RGS20: variants seen among roughly 807,000 people sequenced by gnomAD.
RGS20 encodes the protein gz-selective GTPase-activating protein.
In RGS20, 30 loss-of-function variants were observed where a neutral mutation model predicts 33.6. The observed-to-expected ratio is 0.89, with a 90% CI of 0.67 to 1.21. The LOEUF (loss-of-function observed/expected upper bound fraction) is 1.21. Among genes scored for constraint, RGS20 ranks in the 50% most tolerant of loss-of-function variants. The probability of loss-of-function intolerance (pLI) is 0.00; values close to 1 mark genes in which losing one functional copy is unlikely to be tolerated. For missense variants in RGS20, 472 were observed against 502.4 expected, an observed-to-expected ratio of 0.94 and a Z score of 0.58; for synonymous variants, 208 against 197.9, an observed-to-expected ratio of 1.05 and a Z score of -0.43.
At chr8:53,914,281 T>C (rs1299170778) in intron 2 of RGS20, among the ~76,000 whole-genome samples, 1 of 152,232 alleles carries the variant, frequency 6.6e-6, no homozygotes, top group Non-Finnish European at 1.5e-5. Context: ...TCCTCCCACC[T>C]TGGCCTCCCA....
chr8:53,939,663 G>T lies in RGS20; in HGVS notation c.598G>T (p.Ala200Ser). The T allele has an allele frequency of 6.3e-7, 1 of 1,581,564 alleles. No individual in the cohort carries two copies. The highest frequency in any genetic ancestry group is 2.3e-5 in the East Asian group (1 of 43,788). ...AGGCGCCGCCCCAGGCCAGCCCGGAGCGGGGAGTCGCGGGTCCAACGCATG... is the reference window on the plus strand; with the variant it reads ...AGGCGCCGCCCCAGGCCAGCCCGGATCGGGGAGTCGCGGGTCCAACGCATG... The change falls in exon 3 of 6, where the codon GCG (alanine) becomes TCG (serine). Residue 200 changes from alanine to serine, a missense_variant. Around this residue, in one of 3 missense-constraint regions of RGS20, gnomAD observed 319 missense variants for 283.4 expected, o/e 1.13. Transcript: ENST00000297313.
chr8:53,929,465 A>T (rs1033085413), intron 2 of RGS20, among the ~76,000 whole-genome samples: 4 of 152,164 alleles, frequency 2.6e-5, no homozygotes, highest in African/African-American at 9.6e-5. Flanking sequence ...TGGATAACCT[A>T]AGGTCAGGAG....
intron 2 of RGS20, among the ~76,000 whole-genome samples, chr8:53,887,961 A>C (rs1044312633): frequency 4.6e-5 from 7 of 151,882 alleles, no homozygotes; most frequent in African/African-American, 1.5e-4. Flanking sequence ...CCTGGGCAAC[A>C]GAGTGAGACC....
chr8:53,895,158 T>C (rs561458491), intron 2 of RGS20, among the ~76,000 whole-genome samples: 1 of 152,200 alleles, frequency 6.6e-6, no homozygotes, highest in African/African-American at 2.4e-5. Flanking sequence ...AGCTTGCTAA[T>C]GAGTGATGCA....
intron 3 of RGS20, among the ~76,000 whole-genome samples, chr8:53,940,542 G>A (rs16919694): frequency 6.6e-6 from 1 of 152,136 alleles, no homozygotes; most frequent in Non-Finnish European, 1.5e-5. Context: ...ATCACGAACC[G>A]TGAAATGGAA....
chr8:53,931,552 AAACAACAACAAC>A (rs147351535), intron 2 of RGS20, among the ~76,000 whole-genome samples: 16,046 of 150,670 alleles, frequency 0.11, 2,377 homozygotes, highest in African/African-American at 0.33. Context: ...CAAAACTCCA[AAACAACAACAAC>A]AACAACAACA....
intron 2 of RGS20, among the ~76,000 whole-genome samples, chr8:53,928,314 T>G (rs557327153): frequency 7.5e-4 from 114 of 152,218 alleles, no homozygotes; most frequent in African/African-American, 2.6e-3. Flanking sequence ...CACCAAACAC[T>G]CCAACATTTA....
intron 2 of RGS20, among the ~76,000 whole-genome samples, chr8:53,911,844 G>A (rs943175880): frequency 1.3e-5 from 2 of 152,170 alleles, no homozygotes; most frequent in Non-Finnish European, 2.9e-5. Flanking sequence ...GGGAGACTGA[G>A]GCATGAGAAT....
chr8:53,886,107 C>T (rs922689520), intron 2 of RGS20, among the ~76,000 whole-genome samples: 2 of 152,182 alleles, frequency 1.3e-5, no homozygotes, highest in Admixed American at 6.5e-5. Flanking sequence ...TGTCAGTCAG[C>T]AACTAATAGG....
chr8:53,876,439 G>A (rs1431710337), intron 1 of RGS20: 2 of 152,236 alleles, frequency 1.3e-5, no homozygotes, highest in African/African-American at 4.8e-5. Flanking sequence ...AAGGACCAGT[G>A]CTTCCAGGAA....
intron 2 of RGS20, among the ~76,000 whole-genome samples, chr8:53,920,085 G>A (rs1001623567): frequency 6.6e-6 from 1 of 151,998 alleles, no homozygotes; most frequent in African/African-American, 2.4e-5. Context: ...CTGTTGCCTA[G>A]GCTGATCTTA....
intron 2 of RGS20, among the ~76,000 whole-genome samples, chr8:53,899,138 C>T (rs937396059): frequency 6.6e-6 from 1 of 152,236 alleles, no homozygotes; most frequent in Non-Finnish European, 1.5e-5. Context: ...TGTCTGTCCT[C>T]CTGGCACCAC....
At chr8:53,902,254 C>T (rs1813052886) in intron 2 of RGS20, among the ~76,000 whole-genome samples, 1 of 152,178 alleles carries the variant, frequency 6.6e-6, no homozygotes, top group Non-Finnish European at 1.5e-5. Context: ...CCCGCTGTGT[C>T]CTCCCAAAGT....
intron 4 of RGS20, among the ~76,000 whole-genome samples, chr8:53,947,351 ATT>A (rs201757238): frequency 0.019 from 2,559 of 138,160 alleles, 45 homozygotes; most frequent in African/African-American, 0.022. Flanking sequence ...TAGTATATAT[ATT>A]ATATATGCTA....
Position 53,899,886 on chromosome 8 carries a change from C to T in RGS20, c.510+20284C>T, listed in dbSNP as rs75162550. Among the ~76,000 whole-genome samples, 3 of 152,294 alleles carry T rather than the reference C, an allele frequency of 2.0e-5. 1 individual carries two copies. Among genetic ancestry groups the T allele is most frequent in the Admixed American group, 2.0e-4 (3 of 15,304 alleles). On this transcript the variant is annotated intron_variant, in intron 2 of 5. Transcript: ENST00000297313. The stretch of plus-strand genomic sequence containing the variant: ...AGTGAGGATCCAGCTAGACCCCTCA[C>T]CACTCACCGCCCTCAGCAGACCTCC...
intron 2 of RGS20, among the ~76,000 whole-genome samples, chr8:53,916,153 G>C (rs1276637645): frequency 6.6e-6 from 1 of 152,122 alleles, no homozygotes; most frequent in Non-Finnish European, 1.5e-5. Flanking sequence ...CTCCTAAGGA[G>C]CTGGGACTAC....
chr8:53,917,505 A>C (rs1376636267), intron 2 of RGS20, among the ~76,000 whole-genome samples: 1 of 152,140 alleles, frequency 6.6e-6, no homozygotes, highest in Admixed American at 6.5e-5. Flanking sequence ...TCCTTATATT[A>C]AACTCCTGTT....
At chr8:53,912,174 C>T (rs1306554486) in intron 2 of RGS20, among the ~76,000 whole-genome samples, 1 of 152,016 alleles carries the variant, frequency 6.6e-6, no homozygotes, top group Non-Finnish European at 1.5e-5. Context: ...AAGTGCTTCA[C>T]CAGTATCGCC....
chr8:53,934,924 T>C (rs1198348300), intron 2 of RGS20, among the ~76,000 whole-genome samples: 3 of 152,158 alleles, frequency 2.0e-5, no homozygotes, highest in Non-Finnish European at 4.4e-5. Flanking sequence ...CAGGCCACAG[T>C]GCAATCAAAT....
Sources: allele counts gnomAD v4.1 joint callset (sites outside exome capture counted in the v4.1 genomes callset), GRCh38; gene constraint gnomAD v4.1.1; regional missense constraint gnomAD v4.1.1; transcripts MANE v1.5; gene names NCBI Gene and HGNC (gene_info 2026-07-23, HGNC 2026-07-21).